B3GLCT: variants seen among roughly 807,000 people sequenced by gnomAD.
B3GLCT encodes beta 3-glucosyltransferase.
In B3GLCT, 65 loss-of-function variants were observed where a neutral mutation model predicts 63.4. The ratio of observed to expected loss-of-function variants is 1.03; its 90% confidence interval spans 0.84 to 1.26. B3GLCT has a LOEUF of 1.26. Ranked by LOEUF, B3GLCT falls within the 50% of genes most tolerant of loss-of-function variation. The pLI is 0.00. For synonymous variants in B3GLCT, 233 were observed against 219.2 expected, an observed-to-expected ratio of 1.06 and a Z score of -0.55; for missense variants, 577 against 604.8, an observed-to-expected ratio of 0.95 and a Z score of 0.48.
At chr13:31,259,255 G>T (rs974642610) in intron 6 of B3GLCT, among the ~76,000 whole-genome samples, 3 of 151,996 alleles carry the variant, frequency 2.0e-5, no homozygotes, top group Admixed American at 2.0e-4. Context: ...CACTTTTCTT[G>T]TTTCTGGTTT....
intron 12 of B3GLCT, among the ~76,000 whole-genome samples, chr13:31,309,021 T>C (rs548097854): frequency 6.6e-6 from 1 of 152,352 alleles, no homozygotes; most frequent in East Asian, 1.9e-4. Context: ...CATTTTCTTA[T>C]GCATCCGGTG....
intron 12 of B3GLCT, among the ~76,000 whole-genome samples, chr13:31,306,661 C>G (rs1382048481): frequency 1.5e-4 from 3 of 20,060 alleles, no homozygotes; most frequent in African/African-American, 2.4e-4. Context: ...CTACAAACCA[C>G]TGCTCAAGGA....
chr13:31,294,194 G>T (rs964367803), intron 12 of B3GLCT, among the ~76,000 whole-genome samples: 10 of 152,144 alleles, frequency 6.6e-5, no homozygotes, highest in African/African-American at 2.4e-4. Context: ...TTGTCTGATG[G>T]ACTTCCCTTT....
chr13:31,273,131 G>C (rs1593289130), intron 8 of B3GLCT, among the ~76,000 whole-genome samples: 1 of 152,064 alleles, frequency 6.6e-6, no homozygotes, highest in Admixed American at 6.6e-5. Flanking sequence ...CTCTCACTCT[G>C]TCACCCAGGC....
rs77926393 is a variant in B3GLCT, at chr13:31,323,356, T to C, written c.1185-395T>C. Among the ~76,000 whole-genome samples the C allele has an allele frequency of 4.6e-3, 696 of 152,354 alleles. 7 individuals are homozygous for C. The highest frequency in any genetic ancestry group is 0.016 in the African/African-American group (668 of 41,586). The stretch of plus-strand genomic sequence containing the variant: ...GGCCCTATATGTGGCAGTGGGACTA[T>C]ATGGATGAATTTTAAATAGTTTTGC... On this transcript the variant is annotated intron_variant, in intron 13 of 14. Transcript: ENST00000343307.
chr13:31,248,429 G>A (rs1165018461), intron 6 of B3GLCT, among the ~76,000 whole-genome samples: 1 of 152,180 alleles, frequency 6.6e-6, no homozygotes, highest in African/African-American at 2.4e-5. Flanking sequence ...ATAGCAGGGA[G>A]AACAGACCAT....
chr13:31,291,507 T>G (rs970752718), intron 12 of B3GLCT, among the ~76,000 whole-genome samples: 3 of 152,116 alleles, frequency 2.0e-5, no homozygotes, highest in African/African-American at 7.2e-5. Context: ...TCCTGAGCAG[T>G]GGTTTGTAGT....
chr13:31,277,577 G>A (rs1488535007), intron 10 of B3GLCT, among the ~76,000 whole-genome samples: 2 of 152,138 alleles, frequency 1.3e-5, no homozygotes, highest in African/African-American at 2.4e-5. Context: ...ATTTATGTAG[G>A]AGAGATTTCT....
intron 1 of B3GLCT, among the ~76,000 whole-genome samples, chr13:31,212,447 G>A (rs959103835): frequency 6.6e-6 from 1 of 151,868 alleles, no homozygotes; most frequent in Non-Finnish European, 1.5e-5. Context: ...GCTAATTTTT[G>A]TATTTTTAGT....
At chr13:31,328,202 G>A (rs1488249476) in intron 14 of B3GLCT, among the ~76,000 whole-genome samples, 4 of 152,120 alleles carry the variant, frequency 2.6e-5, no homozygotes, top group African/African-American at 9.7e-5. Context: ...TTTAACAAAG[G>A]TATTCTGTAA....
At chr13:31,325,956 G>GA (rs1360717340) in intron 14 of B3GLCT, among the ~76,000 whole-genome samples, 2 of 152,174 alleles carry the variant, frequency 1.3e-5, no homozygotes, top group Non-Finnish European at 1.5e-5. Context: ...GGACTCCAGG[G>GA]AAAATCTAGT....
intron 4 of B3GLCT, among the ~76,000 whole-genome samples, chr13:31,237,363 T>G (rs1185678794): frequency 3.3e-5 from 5 of 150,128 alleles, no homozygotes; most frequent in Non-Finnish European, 7.4e-5. Context: ...GTTTTTTTTT[T>G]TTTTTTTTAG....
intron 8 of B3GLCT, 97 bp downstream of exon 8, chr13:31,269,374 C>T (rs1470775863): frequency 6.1e-6 from 5 of 823,472 alleles, no homozygotes; most frequent in African/African-American, 5.0e-5. Flanking sequence ...TGCATTTTCC[C>T]CACCCACATC....
Position 31,299,904 on chromosome 13 carries a change from T to G in B3GLCT, c.1064+13085T>G, listed in dbSNP as rs559042975. ...TATCCATTGCCCTCTTGCCTAACTG[T>G]ATGGGCAGGCAATTGGTCACTGCCT... On this transcript the variant is annotated intron_variant, in intron 12 of 14. Coordinates refer to ENST00000343307, the MANE Select transcript of B3GLCT (RefSeq NM_194318.4). Among the ~76,000 whole-genome samples the G allele has an allele frequency of 2.0e-5, 3 of 152,210 alleles. No individual in the cohort carries two copies. The South Asian group carries it at 6.2e-4, about 31-fold the overall frequency.
chr13:31,222,327 C>T (rs1239745780), intron 2 of B3GLCT, among the ~76,000 whole-genome samples: 4 of 152,008 alleles, frequency 2.6e-5, no homozygotes, highest in South Asian at 2.1e-4. Flanking sequence ...CCACCTGCCT[C>T]GACCTCCCAA....
At chr13:31,314,161 A>G (rs1454783518) in intron 12 of B3GLCT, among the ~76,000 whole-genome samples, 4 of 152,288 alleles carry the variant, frequency 2.6e-5, no homozygotes, top group South Asian at 2.1e-4. Context: ...TGGAGAACCT[A>G]TGCTAGTGGG....
Position 31,274,546 on chromosome 13 carries a change from C to A in B3GLCT, c.698C>A (p.Pro233His). Reference protein sequence around the residue: ...LYIWDKGGGPPLTPVPEFCTN... With the variant: ...LYIWDKGGGPHLTPVPEFCTN... ...ATCTGGGACAAAGGCGGAGGACCTC[C>A]CCTGACCCCAGTGCCTGAGTTTTGT... The change falls in exon 9 of 15, where the codon CCC becomes CAC. Residue 233 changes from proline to histidine, a missense_variant. Physicochemically the swap from Pro to His is moderately conservative, Grantham distance 77. Transcript: ENST00000343307. 1 of 1,614,210 alleles carries A rather than the reference C, an allele frequency of 6.2e-7. No homozygotes were observed. The highest frequency in any genetic ancestry group is 8.5e-7 in the Non-Finnish European group (1 of 1,180,030).
intron 7 of B3GLCT, among the ~76,000 whole-genome samples, chr13:31,262,088 T>C (rs1302809855): frequency 6.6e-6 from 1 of 152,192 alleles, no homozygotes; most frequent in Non-Finnish European, 1.5e-5. Context: ...ACCATTTGAA[T>C]TGAGACTCGT....
chr13:31,329,581 A>G lies in B3GLCT; in HGVS notation c.1410A>G (p.Pro470=), dbSNP rs752095659. ...ISFHKHWNID[P]VKVYFTWLAP... ...TCCACAAACACTGGAACATCGATCC[A>G]GTGAAGGTGTATTTCACATGGTTGG... Residue 470 remains proline, a synonymous_variant, in exon 15 of 15, where the codon CCA becomes CCG. Transcript: ENST00000343307. 2.5e-6 allele frequency: 4 copies of G among 1,614,224 alleles called. No homozygotes were observed. In the South Asian group the frequency reaches 3.3e-5, roughly 13 times the overall value.
Sources: allele counts gnomAD v4.1 joint callset (sites outside exome capture counted in the v4.1 genomes callset), GRCh38; gene constraint gnomAD v4.1.1; transcripts MANE v1.5; gene names NCBI Gene and HGNC (gene_info 2026-07-23, HGNC 2026-07-21).